Variants in UBR3 observed in about 807,000 individuals in gnomAD.
The protein encoded by UBR3 is E3 ubiquitin-protein ligase UBR3.
Under a neutral mutation model 243.2 loss-of-function variants are expected in UBR3, and 85 were observed. The observed-to-expected ratio is 0.35, with a 90% CI of 0.29 to 0.42. The LOEUF (loss-of-function observed/expected upper bound fraction) is 0.42, where lower values mean the gene tolerates loss of function less well. Ranked by LOEUF, UBR3 falls within the 10% of genes least tolerant of loss-of-function variation. UBR3 has a pLI of 1.00. For synonymous variants in UBR3, 748 were observed against 799.8 expected, an observed-to-expected ratio of 0.94 and a Z score of 1.09; for missense variants, 1,686 against 2,300.8, an observed-to-expected ratio of 0.73 and a Z score of 5.47.
intron 32 of UBR3, among the ~76,000 whole-genome samples, chr2:170,052,639 A>G (rs2091244613): frequency 2.0e-5 from 3 of 152,218 alleles, no homozygotes; most frequent in Non-Finnish European, 2.9e-5. Flanking sequence ...TGGAATCTAA[A>G]CAAGTCAAAA....
chr2:169,983,940 T>C (rs2088879779), intron 24 of UBR3, among the ~76,000 whole-genome samples: 1 of 152,234 alleles, frequency 6.6e-6, no homozygotes, highest in South Asian at 2.1e-4. Context: ...AAAGTTAAAG[T>C]AGAACTTAAG....
chr2:169,931,986 C>T (rs1432945222), intron 18 of UBR3, among the ~76,000 whole-genome samples: 1 of 151,832 alleles, frequency 6.6e-6, no homozygotes, highest in Non-Finnish European at 1.5e-5. Flanking sequence ...GGTAAGAAGA[C>T]AAATTATCAG....
intron 10 of UBR3, among the ~76,000 whole-genome samples, chr2:169,907,435 G>A (rs2085061416): frequency 6.6e-6 from 1 of 152,060 alleles, no homozygotes; most frequent in East Asian, 1.9e-4. Context: ...CCCTTGCTGT[G>A]CTAGCTGTGT....
intron 1 of UBR3, among the ~76,000 whole-genome samples, chr2:169,870,728 A>T (rs560896860): frequency 6.6e-6 from 1 of 151,854 alleles, no homozygotes; most frequent in South Asian, 2.1e-4. Context: ...GTCTTGGCTC[A>T]CTGCAACCTC....
chr2:170,037,784 C>T lies in UBR3; in HGVS notation c.4557-3098C>T, dbSNP rs190891439. ...TGCAGTTTCCTCAACTAGAAATATT[C>T]CCCATTCTTTTAATTCATTTTTTGT... On this transcript the variant is annotated intron_variant, in intron 31 of 38. Transcript: ENST00000272793. Among the ~76,000 whole-genome samples the T allele has an allele frequency of 3.9e-3, 591 of 152,240 alleles. 2 individuals carry two copies. The highest frequency in any genetic ancestry group is 5.3e-3 in the Non-Finnish European group (363 of 68,006).
At chr2:169,877,069 A>G (rs1336250327) in intron 3 of UBR3, among the ~76,000 whole-genome samples, 1 of 152,184 alleles carries the variant, frequency 6.6e-6, no homozygotes, top group Non-Finnish European at 1.5e-5. Context: ...TTTCCCAAGC[A>G]CTCTGCTTTC....
In UBR3 at chr2:169,875,956, A is replaced by G; in HGVS notation, c.844+7A>G. 1 of 1,489,032 alleles carries G rather than the reference A, an allele frequency of 6.7e-7. No individual in the cohort carries two copies. The highest frequency in any genetic ancestry group is 8.9e-7 in the Non-Finnish European group (1 of 1,122,198). 92.2% of individuals were successfully genotyped at this position (1,489,032 alleles called of 1,614,324 possible). ...TACAAAGATCTGACTTCTGGTGAGTAAAATGTTAGAAGAAATTTATAGTTT... is the reference window on the plus strand; with the variant it reads ...TACAAAGATCTGACTTCTGGTGAGTGAAATGTTAGAAGAAATTTATAGTTT... On this transcript the variant is annotated splice_region_variant and intron_variant, in intron 3 of 38. Transcript: ENST00000272793.
chr2:170,002,461 T>C (rs1215795215), intron 27 of UBR3, among the ~76,000 whole-genome samples: 2 of 152,242 alleles, frequency 1.3e-5, no homozygotes, highest in African/African-American at 4.8e-5. Flanking sequence ...ATTCTGTCTC[T>C]TCCTTTGTCA....
At chr2:170,043,633 C>T (rs1439075728) in intron 32 of UBR3, among the ~76,000 whole-genome samples, 1 of 152,074 alleles carries the variant, frequency 6.6e-6, no homozygotes, top group Non-Finnish European at 1.5e-5. Context: ...TTGCTTGATT[C>T]AGTTCAAGAA....
intron 30 of UBR3, among the ~76,000 whole-genome samples, chr2:170,026,323 C>CTAG (rs1404513794): frequency 6.6e-6 from 1 of 151,862 alleles, no homozygotes; most frequent in Non-Finnish European, 1.5e-5. Flanking sequence ...GTTGTAATAT[C>CTAG]TAGTTTTAGT....
At position 170,007,066 on chromosome 2, in the gene UBR3, GT is replaced by G; in HGVS notation, c.4107del (p.Ser1369ArgfsTer28). The G allele has an allele frequency of 6.2e-7, 1 of 1,613,820 alleles. No individual in the cohort carries two copies. The highest frequency in any genetic ancestry group is 8.5e-7 in the Non-Finnish European group (1 of 1,179,978). On this transcript the variant is annotated frameshift_variant, in exon 28 of 39. Coordinates refer to ENST00000272793, the MANE Select transcript of UBR3 (RefSeq NM_172070.4). LOFTEE classifies it high-confidence loss of function. ...CCACTCTGTAGGCAGTTTGCTAACA[GT>G]GTTCTTCCATGTTATCCTGGAAGCA... ...TCPLCRQFANSVLPCYPGSNV... is the reference protein window; with the variant it reads ...TCPLCRQFANXVLPCYPGSNV...
intron 5 of UBR3, among the ~76,000 whole-genome samples, chr2:169,885,047 G>A (rs1348392762): frequency 6.6e-6 from 1 of 152,068 alleles, no homozygotes; most frequent in Non-Finnish European, 1.5e-5. Context: ...CATTTTACTT[G>A]GAACTGTAGG....
intron 31 of UBR3, among the ~76,000 whole-genome samples, chr2:170,035,728 T>G (rs2090807947): frequency 6.6e-6 from 1 of 151,986 alleles, no homozygotes; most frequent in South Asian, 2.1e-4. Flanking sequence ...GAGATTGCAT[T>G]GAATCTCTAG....
intron 26 of UBR3, among the ~76,000 whole-genome samples, chr2:169,998,837 G>A (rs1290541863): frequency 6.6e-6 from 1 of 152,214 alleles, no homozygotes; most frequent in Non-Finnish European, 1.5e-5. Flanking sequence ...AACCTGAGCT[G>A]TGGAGTCAGA....
chr2:169,923,301 GTCT>G (rs1292269882), intron 11 of UBR3, among the ~76,000 whole-genome samples: 1 of 152,172 alleles, frequency 6.6e-6, no homozygotes, highest in Non-Finnish European at 1.5e-5. Context: ...TGTGGTCAGA[GTCT>G]TCTTACAGTT....
intron 10 of UBR3, among the ~76,000 whole-genome samples, chr2:169,906,445 C>T (rs902615444): frequency 1.7e-4 from 1 of 5,968 alleles, no homozygotes; most frequent in Non-Finnish European, 6.3e-3. Context: ...CCTAATGCTT[C>T]TTTCTTTCAA....
At chr2:169,914,790 C>T (rs889164472) in intron 11 of UBR3, among the ~76,000 whole-genome samples, 1 of 152,060 alleles carries the variant, frequency 6.6e-6, no homozygotes, top group African/African-American at 2.4e-5. Context: ...AACCTGGGCA[C>T]ACAGAACCGT....
chr2:170,043,960 C>A (rs1279910997), intron 32 of UBR3, among the ~76,000 whole-genome samples: 1 of 152,050 alleles, frequency 6.6e-6, no homozygotes, highest in African/African-American at 2.4e-5. Flanking sequence ...GAAAAAAATG[C>A]CATTCCTTAT....
At chr2:170,000,914 A>G (rs12998375) in intron 26 of UBR3, among the ~76,000 whole-genome samples, 5,239 of 152,282 alleles carry the variant, frequency 0.034, 143 homozygotes, top group Non-Finnish European at 0.055. Flanking sequence ...ACCAGAGGAA[A>G]GTAGGCGTTT....
Sources: allele counts gnomAD v4.1 joint callset (sites outside exome capture counted in the v4.1 genomes callset), GRCh38; gene constraint gnomAD v4.1.1; transcripts MANE v1.5; gene names NCBI Gene and HGNC (gene_info 2026-07-23, HGNC 2026-07-21).